CLNK: variants seen among roughly 807,000 people sequenced by gnomAD.
CLNK encodes cytokine-dependent hematopoietic cell linker.
Under a neutral mutation model 68.6 loss-of-function variants are expected in CLNK, and 74 were observed. That is an observed-to-expected ratio of 1.08 (90% CI 0.89 to 1.31). The LOEUF (loss-of-function observed/expected upper bound fraction) is 1.31. CLNK is among the 50% of genes most tolerant of loss of function. CLNK has a pLI of 0.00. For synonymous variants in CLNK, 198 were observed against 172.2 expected (o/e 1.15, Z -1.17); for missense variants, 553 against 515.3 (o/e 1.07, Z -0.71).
the CLNK span, among the ~76,000 whole-genome samples, chr4:10,699,285 C>CACACACATACACACCACGTATGT: frequency 0.017 from 766 of 45,980 alleles, 103 homozygotes; most frequent in African/African-American, 0.055. Flanking sequence ...ACACCACATA[C>CACACACATACACACCACGTATGT]GTGTATACAC....
the CLNK span, among the ~76,000 whole-genome samples, chr4:10,728,051 C>T: frequency 2.6e-5 from 4 of 152,148 alleles, no homozygotes; most frequent in Non-Finnish European, 5.9e-5. Flanking sequence ...TAGAGGGTAT[C>T]GTACAATGTC....
chr4:10,670,004 G>C (rs948568405), intron 1 of CLNK, among the ~76,000 whole-genome samples: 1 of 152,322 alleles, frequency 6.6e-6, no homozygotes, highest in South Asian at 2.1e-4. Flanking sequence ...CCTCTGTTCA[G>C]TTCCAGTGCT....
intron 9 of CLNK, 27 bp from the exon 10 acceptor site, chr4:10,542,068 T>A (rs1719053898): frequency 6.3e-7 from 1 of 1,581,678 alleles, no homozygotes; most frequent in South Asian, 1.2e-5. Flanking sequence ...AAACCTAAAT[T>A]AAGTTTATTG....
intron 3 of CLNK, among the ~76,000 whole-genome samples, chr4:10,586,395 G>T (rs541313797): frequency 2.9e-5 from 4 of 136,072 alleles, no homozygotes; most frequent in Non-Finnish European, 6.1e-5. Context: ...GCAGTGGTAC[G>T]ATCTCTCCTC....
intron 1 of CLNK, among the ~76,000 whole-genome samples, chr4:10,677,313 A>G (rs775026892): frequency 1.3e-5 from 2 of 152,158 alleles, no homozygotes; most frequent in Admixed American, 6.5e-5. Flanking sequence ...ACATTCATTT[A>G]TTAAGCACCT....
At chr4:10,533,367 G>GTA (rs2108803672) in intron 11 of CLNK, among the ~76,000 whole-genome samples, 1 of 152,312 alleles carries the variant, frequency 6.6e-6, no homozygotes, top group South Asian at 2.1e-4. Flanking sequence ...TGGAGTGAGG[G>GTA]TATATGTTCC....
intron 2 of CLNK, among the ~76,000 whole-genome samples, chr4:10,600,177 A>T (rs550133689): frequency 9.2e-5 from 14 of 151,412 alleles, no homozygotes; most frequent in African/African-American, 2.9e-4. Context: ...CATATCATTG[A>T]TCTAATTATT....
At chr4:10,575,939 A>G (rs1720545532) in intron 4 of CLNK, among the ~76,000 whole-genome samples, 1 of 152,204 alleles carries the variant, frequency 6.6e-6, no homozygotes, top group Non-Finnish European at 1.5e-5. Context: ...CATAGCATCT[A>G]GGAACAAAGC....
In CLNK at chr4:10,605,686, G is replaced by C. The variant is rs1460981859; in HGVS notation, c.12-7637C>G. Among the ~76,000 whole-genome samples the C allele has an allele frequency of 7.2e-5, 11 of 151,900 alleles. No homozygotes were observed. In the East Asian group the frequency reaches 1.9e-3, roughly 27 times the overall value. On this transcript the variant is annotated intron_variant, in intron 2 of 18. Transcript: ENST00000226951. ...CTACTAAAAATACAAAAATTAGCTG[G>C]GCGTGGTGGTGCACACCTGTAGTCT... is the stretch of plus-strand genomic sequence containing the variant.
At chr4:10,595,444 A>G (rs1321131457) in intron 3 of CLNK, among the ~76,000 whole-genome samples, 3 of 152,202 alleles carry the variant, frequency 2.0e-5, no homozygotes, top group Non-Finnish European at 4.4e-5. Flanking sequence ...TATAAAACAC[A>G]TTCATCTCAA....
At chr4:10,622,410 C>T (rs1722491920) in intron 2 of CLNK, among the ~76,000 whole-genome samples, 1 of 152,186 alleles carries the variant, frequency 6.6e-6, no homozygotes, top group South Asian at 2.1e-4. Context: ...TGTCATGCTC[C>T]TTTGAGAGCT....
chr4:10,544,457 A>G (rs1453950270), intron 8 of CLNK, among the ~76,000 whole-genome samples: 1 of 152,234 alleles, frequency 6.6e-6, no homozygotes, highest in Non-Finnish European at 1.5e-5. Context: ...AGATACATAA[A>G]CAAAAGTATA....
chr4:10,582,739 T>C (rs1331853970), intron 4 of CLNK, among the ~76,000 whole-genome samples: 1 of 152,188 alleles, frequency 6.6e-6, no homozygotes, highest in African/African-American at 2.4e-5. Flanking sequence ...CATATGCTAC[T>C]GTAGAAAGTT....
intron 2 of CLNK, among the ~76,000 whole-genome samples, chr4:10,657,101 G>A (rs537120093): frequency 6.6e-6 from 1 of 152,128 alleles, no homozygotes; most frequent in African/African-American, 2.4e-5. Flanking sequence ...GACAAAACAG[G>A]TACTGAGACT....
the CLNK span, among the ~76,000 whole-genome samples, chr4:10,722,783 C>T: frequency 5.3e-5 from 8 of 152,312 alleles, no homozygotes; most frequent in Non-Finnish European, 1.2e-4. Flanking sequence ...GGCGTGGTGG[C>T]TCACGCCTGT....
chr4:10,492,519 C>A (rs1470978368), intron 18 of CLNK, among the ~76,000 whole-genome samples: 1 of 152,184 alleles, frequency 6.6e-6, no homozygotes, highest in Non-Finnish European at 1.5e-5. Context: ...CAAATAATTT[C>A]ATTTAGAGCT....
At chr4:10,609,364 C>A (rs1299407207) in intron 2 of CLNK, among the ~76,000 whole-genome samples, 1 of 152,220 alleles carries the variant, frequency 6.6e-6, no homozygotes, top group African/African-American at 2.4e-5. Context: ...CTCTGATCTC[C>A]TTCCAGTCCC....
At chr4:10,714,886 G>A in the CLNK span, among the ~76,000 whole-genome samples, 15 of 151,866 alleles carry the variant, frequency 9.9e-5, no homozygotes, top group East Asian at 1.9e-4. Flanking sequence ...GAAAAATGCT[G>A]GTAAGAGGTA....
At chr4:10,585,513 T>C (rs947068703) in intron 3 of CLNK, among the ~76,000 whole-genome samples, 1 of 152,260 alleles carries the variant, frequency 6.6e-6, no homozygotes, top group Non-Finnish European at 1.5e-5. Flanking sequence ...CTTTCCTTTT[T>C]CTGTCCATAA....
Sources: allele counts gnomAD v4.1 joint callset (sites outside exome capture counted in the v4.1 genomes callset), GRCh38; gene constraint gnomAD v4.1.1; transcripts MANE v1.5; gene names NCBI Gene and HGNC (gene_info 2026-07-23, HGNC 2026-07-21).